Variants in PHF3 observed in about 807,000 individuals in gnomAD.
The protein encoded by PHF3 is PHD finger protein 3.
A neutral mutation model predicts 178.4 loss-of-function variants in PHF3; 41 were observed. The ratio of observed to expected loss-of-function variants is 0.23; its 90% CI spans 0.18 to 0.30. PHF3 has a LOEUF of 0.30. PHF3 is among the 10% of genes least tolerant of loss of function. The probability of loss-of-function intolerance (pLI) is 1.00; values close to 1 mark genes in which losing one functional copy is unlikely to be tolerated. For missense variants in PHF3, 2,346 were observed against 2,398.1 expected (o/e 0.98, Z 0.45); for synonymous variants, 842 against 800.5 (o/e 1.05, Z -0.88).
chr6:63,639,990 A>G lies in PHF3; in HGVS notation c.-26+3840A>G, dbSNP rs115995443. Among the ~76,000 whole-genome samples the G allele has an allele frequency of 3.7e-3, 563 of 152,342 alleles. 5 individuals are homozygous for G. Among genetic ancestry groups the G allele is most frequent in the African/African-American group, 0.013 (526 of 41,580 alleles). On this transcript the variant is annotated intron_variant, in intron 1 of 15. Coordinates refer to ENST00000262043, the MANE Select transcript of PHF3 (RefSeq NM_001370348.2). Reference sequence around the variant, plus strand: ...TGTAATTCTGTGTTTGCCAGTTTCAACATCTTCAGATCCTTTCCTAGGGAC... The same window carrying G: ...TGTAATTCTGTGTTTGCCAGTTTCAGCATCTTCAGATCCTTTCCTAGGGAC...
chr6:63,682,838 C>T (rs1023870381), intron 3 of PHF3, among the ~76,000 whole-genome samples: 6 of 151,912 alleles, frequency 3.9e-5, no homozygotes, highest in Admixed American at 1.3e-4. Flanking sequence ...TTTTAGCAAC[C>T]GCTTGGGTGT....
At position 63,713,287 on chromosome 6, in the gene PHF3, C is replaced by T; in HGVS notation, c.5699C>T (p.Pro1900Leu). Residue 1900 changes from proline to leucine, a missense_variant, in exon 16 of 16, where the codon CCT becomes CTT. Coordinates refer to ENST00000262043, the MANE Select transcript of PHF3 (RefSeq NM_001370348.2). ...IRRPERRHSD[P>L]WGRQDQQQLD... ...AGGCCAGAAAGGCGCCATAGTGACC[C>T]TTGGGGTAGGCAAGACCAACAGCAA... is the stretch of plus-strand genomic sequence containing the variant. 1 of 1,613,998 alleles carries T rather than the reference C, an allele frequency of 6.2e-7. No individual in the cohort carries two copies. The highest frequency in any genetic ancestry group is 8.5e-7 in the Non-Finnish European group (1 of 1,179,970).
At chr6:63,639,559 AAATT>A (rs1168453567) in intron 1 of PHF3, among the ~76,000 whole-genome samples, 1 of 152,196 alleles carries the variant, frequency 6.6e-6, no homozygotes, top group African/African-American at 2.4e-5. Context: ...AAAAGCATAA[AAATT>A]AATGTGTAGA....
chr6:63,673,272 A>G (rs549891906), intron 2 of PHF3, among the ~76,000 whole-genome samples: 1 of 152,278 alleles, frequency 6.6e-6, no homozygotes, highest in East Asian at 1.9e-4. Flanking sequence ...AAAGATACAG[A>G]TATCTGCTTA....
At chr6:63,710,977 A>G (rs1018135202) in intron 14 of PHF3, among the ~76,000 whole-genome samples, 190 bp from the exon 15 acceptor site, 1 of 152,174 alleles carries the variant, frequency 6.6e-6, no homozygotes. Context: ...CCATCAATGG[A>G]TCAGTAAAGA....
rs1314983194 is a variant in PHF3, at chr6:63,684,865, G to T, written c.1143G>T (p.Met381Ile). Reference sequence around the variant, plus strand: ...GTAATTTGGAATTGAAGGATACCATGGGTATTGCTGATAAAACTGAGAACA... The same window carrying T: ...GTAATTTGGAATTGAAGGATACCATTGGTATTGCTGATAAAACTGAGAACA... ...TECNLELKDT[M>I]GIADKTENTL... The change falls in exon 4 of 16, where the codon ATG becomes ATT. Residue 381 changes from methionine to isoleucine, a missense_variant. Physicochemically the swap from Met to Ile is conservative, Grantham distance 10. Transcript: ENST00000262043. 1.9e-6 allele frequency: 3 copies of T among 1,613,836 alleles called. No individual in the cohort carries two copies.
chr6:63,721,778 A>C lies in PHF3; in HGVS notation c.*8070A>C. On this transcript the variant is annotated 3_prime_UTR_variant, in exon 16 of 16. Coordinates refer to ENST00000262043, the MANE Select transcript of PHF3 (RefSeq NM_001370348.2). ...GAAGTTGAACGGAACTATTTACTAA[A>C]GAGATGCATAAAAAATCACCTGCAA... 6.5e-7 allele frequency: 1 copy of C among 1,543,588 alleles called. No individual in the cohort carries two copies. The highest frequency in any genetic ancestry group is 1.2e-5 in the South Asian group (1 of 82,506).
At chr6:63,691,242 G>T (rs527874685) in intron 4 of PHF3, among the ~76,000 whole-genome samples, 3 of 152,144 alleles carry the variant, frequency 2.0e-5, no homozygotes, top group African/African-American at 7.2e-5. Context: ...TGTTACTATT[G>T]TTGGTTTTTT....
In PHF3 at chr6:63,713,399, G is replaced by A; in HGVS notation, c.5811G>A (p.Lys1937=). The part of the protein sequence containing the change: ...SHHLKRERHE[K]EWEQESERHR... Reference sequence around the variant, plus strand: ...ATTTGAAAAGAGAGCGACATGAAAAGGAATGGGAGCAAGAATCTGAAAGGC... The same window carrying A: ...ATTTGAAAAGAGAGCGACATGAAAAAGAATGGGAGCAAGAATCTGAAAGGC... The change falls in exon 16 of 16, where the codon AAG becomes AAA. Residue 1937 remains lysine, a synonymous_variant. Transcript: ENST00000262043. 1 of 1,613,996 alleles carries A rather than the reference G, an allele frequency of 6.2e-7. No individual in the cohort carries two copies. The highest frequency in any genetic ancestry group is 8.5e-7 in the Non-Finnish European group (1 of 1,179,970).
intron 2 of PHF3, among the ~76,000 whole-genome samples, chr6:63,665,851 T>G (rs1243077360): frequency 3.3e-5 from 5 of 152,142 alleles, no homozygotes; most frequent in Non-Finnish European, 7.3e-5. Flanking sequence ...GGAACTATAT[T>G]TATATTAATG....
At position 63,714,439 on chromosome 6, in the gene PHF3, A is replaced by G. The variant is rs967791559; in HGVS notation, c.*731A>G. ...GATATTTTGATTCTAAATATGATAAAATAATTTCTCACCTATTTTGTGTGT... is the reference window on the plus strand; with the variant it reads ...GATATTTTGATTCTAAATATGATAAGATAATTTCTCACCTATTTTGTGTGT... On this transcript the variant is annotated 3_prime_UTR_variant, in exon 16 of 16. Transcript: ENST00000262043. The G allele has an allele frequency of 6.6e-6, 1 of 152,348 alleles. No homozygotes were observed. The highest frequency in any genetic ancestry group is 1.5e-5 in the Non-Finnish European group (1 of 68,000). The allele number at this position is 152,348 out of a possible 1,614,324, so 9.4% of individuals were successfully genotyped here.
In PHF3 at chr6:63,713,095, C is replaced by T; in HGVS notation, c.5507C>T (p.Pro1836Leu). ...QSMFGFPPHL[P>L]PPLLPPPGFG... The stretch of plus-strand genomic sequence containing the variant: ...ATGTTTGGATTTCCACCACATTTGC[C>T]ACCTCCATTACTTCCCCCTCCAGGC... Residue 1836 changes from proline (P) to leucine (L), a missense_variant, in exon 16 of 16, where the codon CCA becomes CTA. Physicochemically the swap from Pro to Leu is moderately conservative, Grantham distance 98. This residue lies in a region of PHF3 where 839 missense variants were observed against 806.9 expected (regional missense o/e 1.04). Transcript: ENST00000262043. 1.2e-6 allele frequency: 2 copies of T among 1,613,996 alleles called. No homozygotes were observed. The highest frequency in any genetic ancestry group is 1.7e-6 in the Non-Finnish European group (2 of 1,179,964).
chr6:63,696,907 G>A (rs1446012873), intron 6 of PHF3, among the ~76,000 whole-genome samples: 3 of 152,150 alleles, frequency 2.0e-5, no homozygotes, highest in African/African-American at 7.2e-5. Context: ...GGAAGAGTGA[G>A]GAACTGGAGA....
Position 63,721,465 on chromosome 6 carries a change from G to C in PHF3, c.*7757G>C. 1 of 1,551,444 alleles carries C rather than the reference G, an allele frequency of 6.4e-7. No homozygotes were observed. The highest frequency in any genetic ancestry group is 2.4e-5 in the East Asian group (1 of 40,918). ...CCAAATTCAGTTAATTGTAATTCTT[G>C]ATTATTTATGATAACTTGTCGGATA... On this transcript the variant is annotated 3_prime_UTR_variant, in exon 16 of 16. Coordinates refer to ENST00000262043, the MANE Select transcript of PHF3 (RefSeq NM_001370348.2).
rs1161829387 is a variant in PHF3, at chr6:63,711,990, G to C, written c.4402G>C (p.Asp1468His). 2 of 1,613,610 alleles carry C rather than the reference G, an allele frequency of 1.2e-6. No homozygotes were observed. Among genetic ancestry groups the C allele is most frequent in the Admixed American group, 3.3e-5 (2 of 59,932 alleles). The change falls in exon 16 of 16, where the codon GAT becomes CAT. Residue 1468 changes from aspartate to histidine, a missense_variant. This residue lies in a region of PHF3 where 839 missense variants were observed against 806.9 expected (regional missense o/e 1.04). Transcript: ENST00000262043. The stretch of plus-strand genomic sequence containing the variant: ...AGCAAATAAACCTCTTCCTGTGGAT[G>C]ATATACTTCAAAGCCTTTTGGGCAC... ...ELANKPLPVD[D>H]ILQSLLGTTG...
Position 63,723,053 on chromosome 6 carries a change from A to G in PHF3, c.*9345A>G, listed in dbSNP as rs1400740120. 6.6e-6 allele frequency among the ~76,000 whole-genome samples: 1 copy of G among 152,218 alleles called. No homozygotes were observed. Among genetic ancestry groups the G allele is most frequent in the Non-Finnish European group, 1.5e-5 (1 of 68,046 alleles). On this transcript the variant is annotated 3_prime_UTR_variant, in exon 16 of 16. Coordinates refer to ENST00000262043, the MANE Select transcript of PHF3 (RefSeq NM_001370348.2). ...ACCCAAAACGGTATCTGGCCCATAA[A>G]TAGATGCTAAATAATTATTAAATAA...
chr6:63,662,599 T>A (rs1211675824), intron 2 of PHF3, among the ~76,000 whole-genome samples: 2 of 152,220 alleles, frequency 1.3e-5, no homozygotes, highest in Non-Finnish European at 2.9e-5. Flanking sequence ...TCAAAAGATT[T>A]CTGATCTGGA....
At position 63,692,051 on chromosome 6, in the gene PHF3, C is replaced by T. The variant is rs936435723; in HGVS notation, c.2496+8C>T. On this transcript the variant is annotated splice_region_variant and intron_variant, in intron 5 of 15. Transcript: ENST00000262043. Reference sequence around the variant, plus strand: ...GTCAAAATTTTAAAACGGGTGAGCTCTTCATTAATGCATTATTTTGTTTAT... The same window carrying T: ...GTCAAAATTTTAAAACGGGTGAGCTTTTCATTAATGCATTATTTTGTTTAT... 3.2e-6 allele frequency: 5 copies of T among 1,581,446 alleles called. No homozygotes were observed. In the African/African-American group the frequency reaches 5.4e-5, roughly 17 times the overall value.
chr6:63,689,369 C>G (rs555952606), intron 4 of PHF3, among the ~76,000 whole-genome samples: 5 of 152,160 alleles, frequency 3.3e-5, no homozygotes, highest in Non-Finnish European at 1.5e-5. Flanking sequence ...ACTAGTATAT[C>G]AGATAATATT....
Sources: gnomAD v4.1 joint callset for allele counts (sites outside exome capture counted in the v4.1 genomes callset) on GRCh38, gnomAD v4.1.1 for gene constraint, gnomAD v4.1.1 regional missense constraint, MANE v1.5 for transcripts, NCBI Gene and HGNC (gene_info 2026-07-23, HGNC 2026-07-21) for gene names.